TVP23A: variants seen among roughly 807,000 people sequenced by gnomAD.
TVP23A encodes trans-golgi network vesicle protein 23 homolog A.
In TVP23A, 21 loss-of-function variants were observed where a neutral mutation model predicts 31.7. The ratio of observed to expected loss-of-function variants is 0.66; its 90% CI spans 0.47 to 0.95. TVP23A has a LOEUF of 0.95. TVP23A is among the 40% of genes least tolerant of loss of function. The pLI, the probability that TVP23A is intolerant of heterozygous loss-of-function variation, is 0.00. For synonymous variants in TVP23A, 104 were observed against 96.0 expected (o/e 1.08, Z -0.49); for missense variants, 279 against 255.6 (o/e 1.09, Z -0.62).
intron 2 of TVP23A, among the ~76,000 whole-genome samples, chr16:10,797,969 T>G (rs2033485713): frequency 6.7e-6 from 1 of 148,242 alleles, no homozygotes; most frequent in African/African-American, 2.5e-5. Context: ...TTTTTTTTTT[T>G]TTTTGAGATG....
chr16:10,767,482 G>C lies in TVP23A; in HGVS notation c.*1620C>G, dbSNP rs1478507104. ...GGTATATGAGAGTGTGTGTATGTGT[G>C]TGCGCACACATGCAAGTGTGCACAT... On this transcript the variant is annotated 3_prime_UTR_variant, in exon 8 of 8. Transcript: ENST00000299866. This position sits in a 1 kb window ranked among gnomAD's most constrained non-coding sequence, Gnocchi z 4.6. 2.4e-6 allele frequency: 1 copy of C among 413,936 alleles called. No individual in the cohort carries two copies. The highest frequency in any genetic ancestry group is 2.1e-5 in the African/African-American group (1 of 47,946). 25.6% of individuals were successfully genotyped at this position (413,936 alleles called of 1,614,324 possible). A position where few individuals can be genotyped will look rare whatever the true frequency, so the allele number is the denominator to read the frequency against.
chr16:10,808,566 G>A, intron 2 of TVP23A: 1 of 454,710 alleles, frequency 2.2e-6, no homozygotes, highest in South Asian at 1.6e-5. Flanking sequence ...GGAGGCCAAG[G>A]CAGGAGGATC....
intron 2 of TVP23A, among the ~76,000 whole-genome samples, chr16:10,804,609 G>A (rs2033857384): frequency 6.6e-6 from 1 of 152,166 alleles, no homozygotes; most frequent in African/African-American, 2.4e-5. Flanking sequence ...TAGCCGGTGT[G>A]GTGGTACATG....
At chr16:10,804,641 G>A (rs988506694) in intron 2 of TVP23A, among the ~76,000 whole-genome samples, 2 of 152,166 alleles carry the variant, frequency 1.3e-5, no homozygotes, top group Middle Eastern at 3.2e-3. Context: ...AGCTACTCAG[G>A]AGGCTGAGGG....
chr16:10,757,879 T>C (rs763807959), downstream of TVP23A: 3 of 1,613,418 alleles, frequency 1.9e-6, no homozygotes, highest in East Asian at 2.2e-5. The surrounding 1 kb of genome is among the most constrained non-coding windows in gnomAD (Gnocchi z 4.1). Context: ...CTAGGCATGA[T>C]CAAGCAGTTC....
Position 10,768,060 on chromosome 16 carries a change from A to C in TVP23A, c.*1042T>G. 1 of 1,602,852 alleles carries C rather than the reference A, an allele frequency of 6.2e-7. No individual in the cohort carries two copies. Among genetic ancestry groups the C allele is most frequent in the Non-Finnish European group, 8.5e-7 (1 of 1,170,244 alleles). On this transcript the variant is annotated 3_prime_UTR_variant, in exon 8 of 8. Transcript: ENST00000299866. This position sits in a 1 kb window ranked among gnomAD's most constrained non-coding sequence, Gnocchi z 4.3. ...AAGTATTTCCATGAGTACTAAATGC[A>C]GATGCCTGTGGGGCAGGAAGCAACA...
At chr16:10,791,370 A>T (rs1040242638) in intron 2 of TVP23A, among the ~76,000 whole-genome samples, 1 of 152,232 alleles carries the variant, frequency 6.6e-6, no homozygotes, top group African/African-American at 2.4e-5. Flanking sequence ...GAAACTACTT[A>T]GGCAAATAGG....
chr16:10,789,357 T>C (rs952979628), intron 2 of TVP23A, among the ~76,000 whole-genome samples: 1 of 152,068 alleles, frequency 6.6e-6, no homozygotes. Context: ...AATGTGTTGA[T>C]GAAAAGAGTC....
intron 2 of TVP23A, chr16:10,808,469 T>C: frequency 4.4e-6 from 2 of 453,700 alleles, no homozygotes; most frequent in Admixed American, 2.4e-5. Context: ...CTTCTCAATA[T>C]GACATTCACT....
At chr16:10,815,660 G>A (rs926074754) in intron 2 of TVP23A, among the ~76,000 whole-genome samples, 4 of 152,170 alleles carry the variant, frequency 2.6e-5, no homozygotes, top group African/African-American at 9.7e-5. Context: ...GGCCTAAAAT[G>A]TCTGGAGTGC....
downstream of TVP23A, among the ~76,000 whole-genome samples, chr16:10,764,581 G>A (rs1429456413): frequency 6.7e-6 from 1 of 149,952 alleles, no homozygotes; most frequent in African/African-American, 2.5e-5. Flanking sequence ...GCTGGAGTAT[G>A]TCAGTCTATT....
chr16:10,757,409 T>C (rs531871311), downstream of TVP23A, among the ~76,000 whole-genome samples: 5 of 152,242 alleles, frequency 3.3e-5, 1 homozygote, highest in African/African-American at 1.2e-4. The surrounding 1 kb of genome is among the most constrained non-coding windows in gnomAD (Gnocchi z 4.1). Context: ...AAGGTAATAA[T>C]GTGAAAGTGT....
intron 7 of TVP23A, chr16:10,769,392 G>A: frequency 2.8e-6 from 1 of 360,562 alleles, no homozygotes; most frequent in Non-Finnish European, 5.0e-6. Context: ...AATGGGTTGT[G>A]GGATCGTGGG....
At chr16:10,769,191 T>C (rs550291329) in intron 7 of TVP23A, 90 bp from the exon 8 acceptor site, 2 of 1,264,620 alleles carry the variant, frequency 1.6e-6, no homozygotes, top group African/African-American at 3.0e-5. Flanking sequence ...AGCTCCGGGA[T>C]GGGGTGGGTC....
At chr16:10,793,662 A>G (rs575352269) in intron 2 of TVP23A, among the ~76,000 whole-genome samples, 1 of 152,076 alleles carries the variant, frequency 6.6e-6, no homozygotes, top group Admixed American at 6.6e-5. Context: ...TGGGAGGCCA[A>G]GGTGGGAGGA....
intron 2 of TVP23A, among the ~76,000 whole-genome samples, chr16:10,796,926 G>A (rs1356040706): frequency 2.0e-5 from 3 of 152,144 alleles, no homozygotes; most frequent in Admixed American, 6.5e-5. Context: ...CTGGAATCTG[G>A]GCACGGTGGC....
chr16:10,775,541 C>T (rs940795433), intron 2 of TVP23A: 14 of 1,030,150 alleles, frequency 1.4e-5, no homozygotes, highest in East Asian at 8.5e-5. Flanking sequence ...TCGGGGAATG[C>T]GTGTTCCTGG....
intron 2 of TVP23A, among the ~76,000 whole-genome samples, chr16:10,805,140 T>C (rs1355879680): frequency 6.6e-6 from 1 of 152,144 alleles, no homozygotes; most frequent in Non-Finnish European, 1.5e-5. Flanking sequence ...CAAGCGATTC[T>C]TGTGCCTCAG....
At chr16:10,801,124 T>G (rs1226363950) in intron 2 of TVP23A, among the ~76,000 whole-genome samples, 3 of 151,790 alleles carry the variant, frequency 2.0e-5, no homozygotes, top group African/African-American at 7.3e-5. Flanking sequence ...GTTCTTTGAG[T>G]GGCAAAGAGA....
Sources: gnomAD v4.1 joint callset for allele counts (sites outside exome capture counted in the v4.1 genomes callset) on GRCh38, gnomAD v4.1.1 for gene constraint, Gnocchi (gnomAD v3.1) non-coding constraint, MANE v1.5 for transcripts, NCBI Gene and HGNC (gene_info 2026-07-23, HGNC 2026-07-21) for gene names.